SMAD2: variants seen among roughly 807,000 people sequenced by gnomAD.
SMAD2 encodes MAD homolog 2.
A neutral mutation model predicts 64.4 loss-of-function variants in SMAD2; 8 were observed. The ratio of observed to expected loss-of-function variants is 0.12; its 90% CI spans 0.07 to 0.22. The LOEUF (loss-of-function observed/expected upper bound fraction) is 0.22. SMAD2 is among the 10% of genes least tolerant of loss of function. The pLI, the probability that SMAD2 is intolerant of heterozygous loss-of-function variation, is 1.00. For missense variants in SMAD2, 289 were observed against 561.2 expected, an observed-to-expected ratio of 0.51 and a Z score of 4.90; for synonymous variants, 203 against 195.8, an observed-to-expected ratio of 1.04 and a Z score of -0.31.
rs913002090 is a variant in SMAD2 at position 47,835,209 on chromosome 18, G to A, written c.*6618C>T. On this transcript the variant is annotated 3_prime_UTR_variant, in exon 11 of 11. Transcript: ENST00000262160. ...TTGGAAAAGCAAAACTGAGGTGTGA[G>A]GTTACACTGGTCTAAGAAAGTACCA... 1.8e-5 allele frequency: 4 copies of A among 220,148 alleles called. No individual in the cohort carries two copies. The highest frequency in any genetic ancestry group is 9.0e-5 in the African/African-American group (4 of 44,520). The allele number at this position is 220,148 out of a possible 1,614,324, so 13.6% of individuals were successfully genotyped here.
Position 47,833,687 on chromosome 18 carries a change from A to G in SMAD2, c.*8140T>C, listed in dbSNP as rs1371908720. ...TGCTCAGTCTGCATCAGGACACCCA[A>G]TTCCTTCACTTGCCATTGGCTGATG... is the stretch of plus-strand genomic sequence containing the variant. On this transcript the variant is annotated 3_prime_UTR_variant, in exon 11 of 11. Transcript: ENST00000262160. 8 of 231,122 alleles carry G rather than the reference A, an allele frequency of 3.5e-5. No homozygotes were observed. The highest frequency in any genetic ancestry group is 1.5e-4 in the African/African-American group (7 of 45,230). The allele number at this position is 231,122 out of a possible 1,614,324, so 14.3% of individuals were successfully genotyped here.
intron 1 of SMAD2, among the ~76,000 whole-genome samples, chr18:47,915,325 A>C (rs1474916157): frequency 6.6e-6 from 1 of 152,208 alleles, no homozygotes; most frequent in Admixed American, 6.5e-5. Context: ...ATTTATATGA[A>C]AGTGTGATAC....
chr18:47,929,245 T>C (rs2144563438), intron 1 of SMAD2, among the ~76,000 whole-genome samples: 1 of 152,346 alleles, frequency 6.6e-6, no homozygotes, highest in Non-Finnish European at 1.5e-5. Flanking sequence ...GATGGAAACT[T>C]TTTAAAGGGT....
chr18:47,906,433 CAT>C (rs1287037006), intron 1 of SMAD2, among the ~76,000 whole-genome samples: 1 of 152,070 alleles, frequency 6.6e-6, no homozygotes, highest in African/African-American at 2.4e-5. Flanking sequence ...GAATAATAGA[CAT>C]GTCATAAAAG....
intron 2 of SMAD2, among the ~76,000 whole-genome samples, chr18:47,882,126 T>C (rs1208655748): frequency 6.7e-5 from 9 of 133,866 alleles, no homozygotes. Flanking sequence ...TCTCAAGCAA[T>C]CCTACTGCGT....
At chr18:47,918,179 C>A (rs772872621) in intron 1 of SMAD2, among the ~76,000 whole-genome samples, 1 of 152,178 alleles carries the variant, frequency 6.6e-6, no homozygotes, top group Non-Finnish European at 1.5e-5. Flanking sequence ...TAATCCTCTG[C>A]CTCAACGTTT....
intron 1 of SMAD2, among the ~76,000 whole-genome samples, chr18:47,910,202 G>C (rs1298604378): frequency 6.6e-6 from 1 of 150,816 alleles, no homozygotes; most frequent in Non-Finnish European, 1.5e-5. Context: ...GGAGTGAAGG[G>C]CTTCAAGAGA....
intron 1 of SMAD2, among the ~76,000 whole-genome samples, chr18:47,913,261 G>A (rs1432151424): frequency 3.3e-5 from 5 of 152,174 alleles, no homozygotes; most frequent in African/African-American, 1.2e-4. Context: ...TATGAGTTAA[G>A]CTGTATTCCT....
At chr18:47,854,775 C>T (rs1488876971) in intron 6 of SMAD2, among the ~76,000 whole-genome samples, 1 of 152,040 alleles carries the variant, frequency 6.6e-6, no homozygotes, top group Non-Finnish European at 1.5e-5. Context: ...TCCCATATGA[C>T]CCCTGCCCTG....
At chr18:47,921,588 A>C (rs2144544095) in intron 1 of SMAD2, among the ~76,000 whole-genome samples, 1 of 152,328 alleles carries the variant, frequency 6.6e-6, no homozygotes, top group South Asian at 2.1e-4. Context: ...GAGAGGTCTG[A>C]GGCTTCTTTC....
chr18:47,867,813 A>C (rs2031674302), intron 5 of SMAD2, among the ~76,000 whole-genome samples: 1 of 152,192 alleles, frequency 6.6e-6, no homozygotes, highest in Non-Finnish European at 1.5e-5. Context: ...AAACATAATT[A>C]AAGGAGGTTT....
At chr18:47,910,384 TA>T (rs34430363) in intron 1 of SMAD2, among the ~76,000 whole-genome samples, 81,062 of 151,802 alleles carry the variant, frequency 0.53, 22,074 homozygotes, top group East Asian at 0.82. Context: ...TAGCTATATA[TA>T]ATATAGGGTT....
At chr18:47,896,373 G>A in intron 2 of SMAD2, 148 bp downstream of exon 2, 2 of 776,426 alleles carry the variant, frequency 2.6e-6, no homozygotes, top group Non-Finnish European at 4.3e-6. Context: ...AAACAAGTCA[G>A]CTAGCAAAAA....
intron 8 of SMAD2, among the ~76,000 whole-genome samples, chr18:47,847,092 C>A (rs908172383): frequency 1.3e-5 from 2 of 152,060 alleles, no homozygotes; most frequent in African/African-American, 4.8e-5. Flanking sequence ...ATAACGACAG[C>A]AATCTAAAAC....
At chr18:47,901,052 A>G (rs923299199) in intron 1 of SMAD2, among the ~76,000 whole-genome samples, 7 of 152,136 alleles carry the variant, frequency 4.6e-5, no homozygotes, top group Admixed American at 2.6e-4. Context: ...AATAGTTTCA[A>G]TGTTCTACAT....
chr18:47,889,902 G>C (rs1363163802), intron 2 of SMAD2, among the ~76,000 whole-genome samples: 1 of 152,194 alleles, frequency 6.6e-6, no homozygotes, highest in Non-Finnish European at 1.5e-5. Context: ...GACAAGAAAA[G>C]AGGGTATATT....
intron 6 of SMAD2, among the ~76,000 whole-genome samples, chr18:47,864,792 G>T (rs532692556): frequency 4.6e-5 from 7 of 152,078 alleles, no homozygotes; most frequent in African/African-American, 1.4e-4. Context: ...TACTTAAAAA[G>T]AAATAAAAGT....
intron 6 of SMAD2, among the ~76,000 whole-genome samples, chr18:47,857,019 G>A (rs555471604): frequency 6.7e-4 from 102 of 151,674 alleles, no homozygotes; most frequent in Admixed American, 2.7e-3. Flanking sequence ...CACTACGCCC[G>A]GCTAATTTTT....
At chr18:47,900,079 A>C (rs917018138) in intron 1 of SMAD2, among the ~76,000 whole-genome samples, 6 of 152,164 alleles carry the variant, frequency 3.9e-5, no homozygotes, top group African/African-American at 1.4e-4. Context: ...AACCTCTATA[A>C]AAATGTAATA....
Sources: allele counts gnomAD v4.1 joint callset (sites outside exome capture counted in the v4.1 genomes callset), GRCh38; gene constraint gnomAD v4.1.1; transcripts MANE v1.5; gene names NCBI Gene and HGNC (gene_info 2026-07-23, HGNC 2026-07-21).